LDAH: variants seen among roughly 807,000 people sequenced by gnomAD.
LDAH encodes the protein lipid droplet-associated hydrolase.
In LDAH, 26 loss-of-function variants were observed where a neutral mutation model predicts 29.6. The observed-to-expected ratio is 0.88, with a 90% CI of 0.64 to 1.22. LDAH has a LOEUF of 1.22. Ranked by LOEUF, LDAH falls within the 50% of genes most tolerant of loss-of-function variation. The pLI, the probability that LDAH is intolerant of heterozygous loss-of-function variation, is 0.00. For synonymous variants in LDAH, 117 were observed against 133.0 expected, an observed-to-expected ratio of 0.88 and a Z score of 0.83; for missense variants, 344 against 387.3, an observed-to-expected ratio of 0.89 and a Z score of 0.94.
intron 2 of LDAH, among the ~76,000 whole-genome samples, chr2:20,799,022 T>C (rs1176110447): frequency 6.6e-6 from 1 of 151,588 alleles, no homozygotes; most frequent in Non-Finnish European, 1.5e-5. Context: ...AGGCCAGGAG[T>C]TCGACACACG....
intron 6 of LDAH, 64 bp from the exon 7 acceptor site, chr2:20,687,158 C>A: frequency 2.2e-6 from 3 of 1,394,826 alleles, no homozygotes; most frequent in Non-Finnish European, 2.0e-6. Context: ...AGATATGACA[C>A]CAGCAGCCGG....
chr2:20,688,200 A>G (rs1188698791), intron 6 of LDAH, among the ~76,000 whole-genome samples: 1 of 152,236 alleles, frequency 6.6e-6, no homozygotes, highest in East Asian at 1.9e-4. Context: ...GCAGCTGGTC[A>G]GAAGTAGTAG....
intron 1 of LDAH, among the ~76,000 whole-genome samples, chr2:20,810,981 C>A (rs1364517789): frequency 1.3e-5 from 2 of 151,666 alleles, no homozygotes; most frequent in Admixed American, 6.6e-5. Flanking sequence ...TTGACTTCCA[C>A]AAAATGGGTC....
intron 4 of LDAH, among the ~76,000 whole-genome samples, chr2:20,774,599 T>C (rs1038543687): frequency 3.3e-5 from 5 of 152,240 alleles, no homozygotes; most frequent in African/African-American, 1.2e-4. Flanking sequence ...AAACTTCTTA[T>C]CTCCCTCAGC....
intron 2 of LDAH, among the ~76,000 whole-genome samples, chr2:20,797,768 C>G (rs949182714): frequency 7.3e-5 from 11 of 150,968 alleles, no homozygotes; most frequent in African/African-American, 2.7e-4. Context: ...CTTGCAAATG[C>G]AAAAACAAAA....
In LDAH at chr2:20,684,980, C is replaced by T. The variant is rs1033053215; in HGVS notation, c.*1923G>A. 3.3e-5 allele frequency: 51 copies of T among 1,545,322 alleles called. No homozygotes were observed. The highest frequency in any genetic ancestry group is 1.5e-4 in the East Asian group (6 of 40,812). ...TCACTTTAAAAGAGAGACTTTGAGC[C>T]GAGTCTAACTCAGGAGAACTGCTCA... On this transcript the variant is annotated 3_prime_UTR_variant, in exon 7 of 7. Coordinates refer to ENST00000237822, the MANE Select transcript of LDAH (RefSeq NM_021925.4).
chr2:20,759,984 G>A (rs1371652401), intron 4 of LDAH, among the ~76,000 whole-genome samples: 3 of 152,190 alleles, frequency 2.0e-5, no homozygotes, highest in Non-Finnish European at 4.4e-5. Flanking sequence ...AATAAGATCT[G>A]CTTCAACCTA....
intron 5 of LDAH, among the ~76,000 whole-genome samples, chr2:20,705,527 G>T (rs867536437): frequency 1.3e-5 from 2 of 152,014 alleles, no homozygotes; most frequent in South Asian, 4.2e-4. Flanking sequence ...TACTAGTAGG[G>T]TATTGGCTCT....
intron 5 of LDAH, among the ~76,000 whole-genome samples, chr2:20,721,443 T>C (rs1665642532): frequency 6.6e-6 from 1 of 152,140 alleles, no homozygotes; most frequent in South Asian, 2.1e-4. Flanking sequence ...CACTATATAC[T>C]GCTTGGGTGA....
intron 1 of LDAH, among the ~76,000 whole-genome samples, chr2:20,821,320 T>C (rs1260480462): frequency 6.6e-6 from 1 of 152,224 alleles, no homozygotes; most frequent in Non-Finnish European, 1.5e-5. Flanking sequence ...TGCACATGTA[T>C]GTTTATTGCA....
chr2:20,822,431 C>T (rs1451529127), intron 1 of LDAH, among the ~76,000 whole-genome samples: 7 of 152,156 alleles, frequency 4.6e-5, no homozygotes, highest in Non-Finnish European at 8.8e-5. Context: ...GCGTGAGCCA[C>T]GGCGCCCGGC....
intron 2 of LDAH, among the ~76,000 whole-genome samples, chr2:20,797,512 G>C (rs1671380753): frequency 6.6e-6 from 1 of 152,088 alleles, no homozygotes; most frequent in Non-Finnish European, 1.5e-5. Flanking sequence ...CAACTCCTCT[G>C]TTTTGCCCGA....
At chr2:20,815,722 C>T (rs114889613) in intron 1 of LDAH, among the ~76,000 whole-genome samples, 5,741 of 151,868 alleles carry the variant, frequency 0.038, 364 homozygotes, top group African/African-American at 0.13. Flanking sequence ...TCTCAGATGA[C>T]GGAAACTAAT....
intron 1 of LDAH, among the ~76,000 whole-genome samples, chr2:20,813,366 T>C (rs565090167): frequency 2.0e-5 from 3 of 152,340 alleles, no homozygotes; most frequent in African/African-American, 7.2e-5. Context: ...TATACTTCTA[T>C]GCATTTTGCT....
intron 6 of LDAH, among the ~76,000 whole-genome samples, chr2:20,699,456 T>C (rs1663756378): frequency 6.6e-6 from 1 of 152,192 alleles, no homozygotes; most frequent in South Asian, 2.1e-4. Flanking sequence ...TTACAGCATG[T>C]TTCCTCTTTT....
At chr2:20,693,740 G>C (rs1233749549) in intron 6 of LDAH, among the ~76,000 whole-genome samples, 1 of 152,240 alleles carries the variant, frequency 6.6e-6, no homozygotes. Context: ...TTTCTTCCTG[G>C]TGAGCTCACA....
intron 4 of LDAH, among the ~76,000 whole-genome samples, chr2:20,760,861 T>G (rs1668635061): frequency 1.3e-5 from 2 of 152,208 alleles, no homozygotes; most frequent in African/African-American, 4.8e-5. Context: ...ATCAGTCATA[T>G]CCACTTATGG....
intron 4 of LDAH, among the ~76,000 whole-genome samples, chr2:20,753,512 A>C (rs192006840): frequency 2.1e-4 from 32 of 152,378 alleles, no homozygotes; most frequent in African/African-American, 6.7e-4. Context: ...AGTTGGCTTA[A>C]TGGCAGTTTT....
At chr2:20,795,815 T>C (rs995131791) in intron 2 of LDAH, among the ~76,000 whole-genome samples, 7 of 152,028 alleles carry the variant, frequency 4.6e-5, no homozygotes, top group African/African-American at 1.7e-4. Context: ...CAATGTGATT[T>C]AAAATGAAAT....
Sources: gnomAD v4.1 joint callset for allele counts (sites outside exome capture counted in the v4.1 genomes callset) on GRCh38, gnomAD v4.1.1 for gene constraint, MANE v1.5 for transcripts, NCBI Gene and HGNC (gene_info 2026-07-23, HGNC 2026-07-21) for gene names.